Variants in FBXW7 observed in about 807,000 individuals in gnomAD.
FBXW7 encodes F-box and WD repeat domain containing 7.
A neutral mutation model predicts 86.3 loss-of-function variants in FBXW7; 11 were observed. The ratio of observed to expected loss-of-function variants is 0.13; its 90% CI spans 0.08 to 0.21. The LOEUF is 0.21. Ranked by LOEUF, FBXW7 falls within the 10% of genes least tolerant of loss-of-function variation. The pLI is 1.00. For synonymous variants in FBXW7, 313 were observed against 297.9 expected, an observed-to-expected ratio of 1.05 and a Z score of -0.52; for missense variants, 488 against 847.4, an observed-to-expected ratio of 0.58 and a Z score of 5.27.
chr4:152,368,215 T>C (rs1034322649), intron 4 of FBXW7, among the ~76,000 whole-genome samples: 1 of 152,248 alleles, frequency 6.6e-6, no homozygotes, highest in East Asian at 1.9e-4. Flanking sequence ...CTTCTCTACA[T>C]ACCAGCTGTA....
Position 152,517,214 on chromosome 4 carries a change from G to A in FBXW7, c.-120+17727C>T, listed in dbSNP as rs140722989. On this transcript the variant is annotated intron_variant, in intron 2 of 13. Transcript: ENST00000281708. ...AAGGAAGTGTAAATAAAGTTGGAGG[G>A]GTGGTTTTTTTAAAAAAGTTAATTT... 1.7e-3 allele frequency among the ~76,000 whole-genome samples: 259 copies of A among 152,150 alleles called. 5 individuals are homozygous for A. The East Asian group carries it at 0.041, about 24-fold the overall frequency.
intron 2 of FBXW7, among the ~76,000 whole-genome samples, chr4:152,529,876 G>A (rs1028585735): frequency 2.0e-5 from 3 of 151,546 alleles, no homozygotes; most frequent in African/African-American, 7.3e-5. Flanking sequence ...TCCAAAAGTT[G>A]TTACCCATCT....
chr4:152,460,797 T>G (rs963306038), intron 2 of FBXW7, among the ~76,000 whole-genome samples: 42 of 152,302 alleles, frequency 2.8e-4, no homozygotes, highest in African/African-American at 9.9e-4. Flanking sequence ...AATTGATACT[T>G]TCCACCAAAG....
intron 4 of FBXW7, among the ~76,000 whole-genome samples, chr4:152,399,474 CAA>C (rs1169605990): frequency 6.6e-6 from 1 of 151,852 alleles, no homozygotes; most frequent in Non-Finnish European, 1.5e-5. Context: ...AGTTAAAGCA[CAA>C]AGACAAGAAA....
chr4:152,482,097 T>G (rs1744933526), intron 2 of FBXW7, among the ~76,000 whole-genome samples: 1 of 152,172 alleles, frequency 6.6e-6, no homozygotes, highest in Admixed American at 6.5e-5. Flanking sequence ...GCTGTCTTAT[T>G]TTTAAAAATT....
At chr4:152,515,382 C>T (rs78797196) in intron 2 of FBXW7, among the ~76,000 whole-genome samples, 2,504 of 152,138 alleles carry the variant, frequency 0.016, 79 homozygotes, top group African/African-American at 0.057. Flanking sequence ...TTGAGGGTGA[C>T]AGAAATGTCT....
chr4:152,356,397 T>G (rs1318631713), intron 4 of FBXW7, among the ~76,000 whole-genome samples: 1 of 129,608 alleles, frequency 7.7e-6, no homozygotes, highest in African/African-American at 2.4e-5. Context: ...GAAAATACTA[T>G]GAATACTATT....
Position 152,513,452 on chromosome 4 carries a change from C to G in FBXW7, c.-120+21489G>C, listed in dbSNP as rs542369591. Among the ~76,000 whole-genome samples, 32 of 152,020 alleles carry G rather than the reference C, an allele frequency of 2.1e-4. No homozygotes were observed. In the South Asian group the frequency reaches 6.0e-3, roughly 29 times the overall value. On this transcript the variant is annotated intron_variant, in intron 2 of 13. Coordinates refer to ENST00000281708, the MANE Select transcript of FBXW7 (RefSeq NM_001349798.2). ...ACAGAGACCCTATTGGAGGATACAG[C>G]CCGAGAAAAAGAATACATAAATTTA...
At chr4:152,439,630 C>T (rs1740699506) in intron 2 of FBXW7, among the ~76,000 whole-genome samples, 1 of 152,080 alleles carries the variant, frequency 6.6e-6, no homozygotes, top group Non-Finnish European at 1.5e-5. Context: ...CTTCGGGAGG[C>T]TGAGGCGGGC....
At chr4:152,346,803 G>T in intron 6 of FBXW7, 127 bp downstream of exon 6, 1 of 1,283,658 alleles carries the variant, frequency 7.8e-7, no homozygotes, top group South Asian at 1.6e-5. Context: ...TCACTTGGCA[G>T]AATGATTTCA....
At chr4:152,331,640 G>A (rs1729574848) in intron 8 of FBXW7, among the ~76,000 whole-genome samples, 2 of 152,022 alleles carry the variant, frequency 1.3e-5, no homozygotes, top group African/African-American at 4.8e-5. Context: ...ACAGATGGTA[G>A]TGAATCTGAA....
rs1729504043 is a variant in FBXW7 at position 152,330,859 on chromosome 4, T to C, written c.995A>G (p.Glu332Gly). Residue 332 changes from glutamate (E) to glycine (G), a missense_variant, in exon 9 of 14, where the codon GAA becomes GGA. Glu to Gly is a moderately conservative substitution (Grantham distance 98). Coordinates refer to ENST00000281708, the MANE Select transcript of FBXW7 (RefSeq NM_001349798.2). Reference sequence around the variant, plus strand: ...TTTTCTTCTCTTGATGTGCAATGGTTCATCAATCCCTAAAGTGTTACAGTT... The same window carrying C: ...TTTTCTTCTCTTGATGTGCAATGGTCCATCAATCCCTAAAGTGTTACAGTT... ...REKCKEEGID[E>G]PLHIKRRKVI... 6.2e-7 allele frequency: 1 copy of C among 1,611,418 alleles called. No homozygotes were observed. Among genetic ancestry groups the C allele is most frequent in the African/African-American group, 1.3e-5 (1 of 74,778 alleles).
At chr4:152,379,355 T>C (rs1463050609) in intron 4 of FBXW7, among the ~76,000 whole-genome samples, 1 of 152,218 alleles carries the variant, frequency 6.6e-6, no homozygotes, top group Non-Finnish European at 1.5e-5. Flanking sequence ...AGGCTTTTTT[T>C]AGTTAAAAAT....
Position 152,327,032 on chromosome 4 carries a change from C to T in FBXW7, c.1419-801G>A, listed in dbSNP as rs141038507. Among the ~76,000 whole-genome samples the T allele has an allele frequency of 8.0e-3, 1,211 of 152,200 alleles. 11 individuals are homozygous for T. The highest frequency in any genetic ancestry group is 0.017 in the Middle Eastern group (5 of 294). On this transcript the variant is annotated intron_variant, in intron 11 of 13. Transcript: ENST00000281708. ...TGAAAACCAGAGCAATATACAAATA[C>T]TGTAATCACTTTTGGATTACAAAAC... is the stretch of plus-strand genomic sequence containing the variant.
intron 4 of FBXW7, among the ~76,000 whole-genome samples, chr4:152,360,284 C>A (rs779180682): frequency 1.3e-5 from 2 of 152,048 alleles, no homozygotes; most frequent in Non-Finnish European, 2.9e-5. Context: ...CACTGACAAA[C>A]AAGGGGACTT....
chr4:152,329,304 C>T (rs998901698), intron 10 of FBXW7, among the ~76,000 whole-genome samples: 1 of 151,694 alleles, frequency 6.6e-6, no homozygotes, highest in South Asian at 2.1e-4. Context: ...AATAAATATC[C>T]CTCAACCATA....
At chr4:152,392,843 C>T (rs1736110908) in intron 4 of FBXW7, among the ~76,000 whole-genome samples, 1 of 152,122 alleles carries the variant, frequency 6.6e-6, no homozygotes, top group Non-Finnish European at 1.5e-5. Flanking sequence ...GACAATTTCC[C>T]ACCTTGACAC....
intron 6 of FBXW7, among the ~76,000 whole-genome samples, chr4:152,342,913 C>T (rs896557710): frequency 6.6e-6 from 1 of 152,166 alleles, no homozygotes; most frequent in Admixed American, 6.5e-5. Flanking sequence ...GTCTTTCACA[C>T]AAAACAAGGT....
At chr4:152,398,421 C>A (rs1736620395) in intron 4 of FBXW7, among the ~76,000 whole-genome samples, 1 of 151,522 alleles carries the variant, frequency 6.6e-6, no homozygotes, top group Non-Finnish European at 1.5e-5. Context: ...TATTTTATAT[C>A]TTTTGTGATT....
Sources: gnomAD v4.1 joint callset for allele counts (sites outside exome capture counted in the v4.1 genomes callset) on GRCh38, gnomAD v4.1.1 for gene constraint, MANE v1.5 for transcripts, NCBI Gene and HGNC (gene_info 2026-07-23, HGNC 2026-07-21) for gene names.